The following ERBB4 variants were observed in gnomAD, a reference collection of about 807,000 sequenced individuals.
The protein encoded by ERBB4 is erb-b2 receptor tyrosine kinase 4.
ERBB4 carries 42 observed loss-of-function variants against 158.0 expected under a neutral mutation model. That is an observed-to-expected ratio of 0.27 (90% CI 0.21 to 0.34). The LOEUF (loss-of-function observed/expected upper bound fraction) is 0.34, where lower values mean the gene tolerates loss of function less well. ERBB4 is among the 10% of genes least tolerant of loss of function. The pLI is 1.00. For synonymous variants in ERBB4, 583 were observed against 558.7 expected, an observed-to-expected ratio of 1.04 and a Z score of -0.61; for missense variants, 1,333 against 1,624.1, an observed-to-expected ratio of 0.82 and a Z score of 3.08.
intron 3 of ERBB4, among the ~76,000 whole-genome samples, chr2:211,886,052 A>G (rs372181282): frequency 6.6e-6 from 1 of 152,226 alleles, no homozygotes. Flanking sequence ...AGGTAAAAAA[A>G]TGCTTCAAAT....
intron 4 of ERBB4, among the ~76,000 whole-genome samples, chr2:211,772,876 T>G (rs58014683): frequency 1.0e-5 from 1 of 97,216 alleles, no homozygotes; most frequent in Non-Finnish European, 2.0e-5. Flanking sequence ...TATACACATA[T>G]ATATATATAC....
At chr2:211,453,499 G>A (rs367845387) in intron 20 of ERBB4, among the ~76,000 whole-genome samples, 3 of 152,078 alleles carry the variant, frequency 2.0e-5, no homozygotes, top group Non-Finnish European at 2.9e-5. Flanking sequence ...ATTTTAAAAA[G>A]AGGAAGAGAG....
intron 20 of ERBB4, among the ~76,000 whole-genome samples, chr2:211,470,096 G>A (rs1280938363): frequency 1.3e-5 from 2 of 151,876 alleles, no homozygotes; most frequent in Non-Finnish European, 2.9e-5. Flanking sequence ...GGCACTTAGT[G>A]ATTTCTCGCT....
At position 212,206,997 on chromosome 2, in the gene ERBB4, C is replaced by CAAA. The variant is rs530343240; in HGVS notation, c.83-82097_83-82095dup. 6.1e-3 allele frequency among the ~76,000 whole-genome samples: 718 copies of CAAA among 117,610 alleles called. 2 individuals carry two copies. The highest frequency in any genetic ancestry group is 9.3e-3 in the Non-Finnish European group (510 of 55,082). 77.2% of individuals were successfully genotyped at this position (117,610 alleles called of 152,430 possible). On this transcript the variant is annotated intron_variant, in intron 1 of 27. Coordinates refer to ENST00000342788, the MANE Select transcript of ERBB4 (RefSeq NM_005235.3). ...AACCATGTTGGTTTCTGAGAAGTTT[C>CAAA]AAAAAAAAAAAAAAACTTTTGATGA...
At chr2:211,588,909 A>G (rs1203668894) in intron 19 of ERBB4, among the ~76,000 whole-genome samples, 2 of 152,154 alleles carry the variant, frequency 1.3e-5, no homozygotes, top group African/African-American at 4.8e-5. Flanking sequence ...CTTAATCTAT[A>G]CCTTTGCAAG....
intron 1 of ERBB4, among the ~76,000 whole-genome samples, chr2:212,287,067 G>A (rs964184447): frequency 6.6e-6 from 1 of 151,728 alleles, no homozygotes; most frequent in South Asian, 2.1e-4. Context: ...TGCTCCACAG[G>A]TAGCCCAAAT....
intron 2 of ERBB4, among the ~76,000 whole-genome samples, chr2:211,990,407 TTC>T (rs1421336864): frequency 3.3e-5 from 5 of 152,008 alleles, no homozygotes; most frequent in Non-Finnish European, 7.4e-5. Context: ...TATCTTAACA[TTC>T]AGATTATTTG....
At chr2:211,547,230 A>T (rs1024372277) in intron 20 of ERBB4, among the ~76,000 whole-genome samples, 1 of 152,100 alleles carries the variant, frequency 6.6e-6, no homozygotes, top group Non-Finnish European at 1.5e-5. Context: ...CTGTGAATCT[A>T]CAATTATTTC....
intron 2 of ERBB4, among the ~76,000 whole-genome samples, chr2:212,087,129 T>C (rs2078639182): frequency 6.6e-6 from 1 of 151,682 alleles, no homozygotes; most frequent in South Asian, 2.1e-4. Flanking sequence ...GGAAAATGTG[T>C]CTATAAGCAA....
chr2:212,107,001 G>A (rs530049845), intron 2 of ERBB4, among the ~76,000 whole-genome samples: 2 of 152,360 alleles, frequency 1.3e-5, no homozygotes, highest in Admixed American at 6.5e-5. Flanking sequence ...GAGGCAGGGT[G>A]CTCATGCAGA....
chr2:211,998,311 T>C (rs775350746), intron 2 of ERBB4, among the ~76,000 whole-genome samples: 8 of 151,888 alleles, frequency 5.3e-5, no homozygotes, highest in Non-Finnish European at 1.2e-4. Context: ...TTCTAGTCTT[T>C]AATCAACTGT....
chr2:211,488,133 T>C (rs573781814), intron 20 of ERBB4, among the ~76,000 whole-genome samples: 1 of 152,114 alleles, frequency 6.6e-6, no homozygotes, highest in East Asian at 1.9e-4. Context: ...TTCAAAGGAA[T>C]GAGCTATGAA....
chr2:211,852,878 C>T (rs1180276407), intron 3 of ERBB4, among the ~76,000 whole-genome samples: 2 of 151,926 alleles, frequency 1.3e-5, no homozygotes, highest in African/African-American at 2.4e-5. Context: ...GGAGCTATTA[C>T]TGGCAGCTAG....
At position 211,706,117 on chromosome 2, in the gene ERBB4, C is replaced by G. The variant is rs1428911076; in HGVS notation, c.1125-726G>C. On this transcript the variant is annotated intron_variant, in intron 9 of 27. Coordinates refer to ENST00000342788, the MANE Select transcript of ERBB4 (RefSeq NM_005235.3). ...ACATTAAAAGACATTTCATACTATCCTAGGTAGAGACCTCATATTAATATA... is the reference window on the plus strand; with the variant it reads ...ACATTAAAAGACATTTCATACTATCGTAGGTAGAGACCTCATATTAATATA... Among the ~76,000 whole-genome samples the G allele has an allele frequency of 3.3e-5, 5 of 151,896 alleles. No homozygotes were observed. In the East Asian group the frequency reaches 9.7e-4, roughly 29 times the overall value.
At chr2:212,034,854 T>G (rs1039424258) in intron 2 of ERBB4, among the ~76,000 whole-genome samples, 1 of 152,154 alleles carries the variant, frequency 6.6e-6, no homozygotes, top group Non-Finnish European at 1.5e-5. Context: ...GGTGCAAAAA[T>G]GCTAAGCCAA....
intron 12 of ERBB4, among the ~76,000 whole-genome samples, chr2:211,680,790 T>C (rs2072303104): frequency 6.6e-6 from 1 of 152,346 alleles, no homozygotes; most frequent in East Asian, 1.9e-4. Context: ...TTGCTACTTC[T>C]TGAATAATCT....
intron 19 of ERBB4, among the ~76,000 whole-genome samples, chr2:211,581,953 T>G (rs1487668376): frequency 1.3e-5 from 2 of 151,996 alleles, no homozygotes; most frequent in Non-Finnish European, 2.9e-5. Context: ...GAGGTTGCAG[T>G]GAGCCAAGAT....
chr2:211,598,701 C>T (rs2068710298), intron 19 of ERBB4, among the ~76,000 whole-genome samples: 2 of 152,146 alleles, frequency 1.3e-5, no homozygotes, highest in African/African-American at 4.8e-5. Context: ...TTTGTATAGA[C>T]TTTATATTAA....
chr2:211,788,856 A>T (rs2076224049), intron 3 of ERBB4, among the ~76,000 whole-genome samples: 1 of 152,188 alleles, frequency 6.6e-6, no homozygotes, highest in South Asian at 2.1e-4. Context: ...AATCGATAAG[A>T]TTGCCAATTA....
Sources: allele counts gnomAD v4.1 joint callset (sites outside exome capture counted in the v4.1 genomes callset), GRCh38; gene constraint gnomAD v4.1.1; transcripts MANE v1.5; gene names NCBI Gene and HGNC (gene_info 2026-07-23, HGNC 2026-07-21).